MGAT5: variants seen among roughly 807,000 people sequenced by gnomAD.
MGAT5 encodes alpha-1,6-mannosylglycoprotein 6-beta-N-acetylglucosaminyltransferase, also known as alpha-1,6-mannosylglycoprotein 6-beta-N-acetylglucosaminyltransferase A.
Under a neutral mutation model 94.3 loss-of-function variants are expected in MGAT5, and 30 were observed. That is an observed-to-expected ratio of 0.32 (90% confidence interval 0.24 to 0.43). The LOEUF (loss-of-function observed/expected upper bound fraction) is 0.43, where lower values mean the gene tolerates loss of function less well. Among genes scored for constraint, MGAT5 ranks in the 20% least tolerant of loss-of-function variants. The probability of loss-of-function intolerance (pLI) is 1.00; values close to 1 mark genes in which losing one functional copy is unlikely to be tolerated. For synonymous variants in MGAT5, 310 were observed against 322.9 expected, an observed-to-expected ratio of 0.96 and a Z score of 0.43; for missense variants, 691 against 905.5, an observed-to-expected ratio of 0.76 and a Z score of 3.04.
chr2:134,406,729 AC>A, intron 11 of MGAT5, among the ~76,000 whole-genome samples: 2 of 150,160 alleles, frequency 1.3e-5, no homozygotes, highest in Middle Eastern at 3.4e-3. Flanking sequence ...TACAAAAAAT[AC>A]CAAAAAAAAA....
chr2:134,390,574 T>C (rs1682341643), intron 10 of MGAT5, among the ~76,000 whole-genome samples: 1 of 152,210 alleles, frequency 6.6e-6, no homozygotes, highest in African/African-American at 2.4e-5. Flanking sequence ...TTAAAGAGTA[T>C]TCAAATCACA....
At chr2:134,152,310 A>ACCGCCATGGAAAC (rs541206999) in intron 1 of MGAT5, among the ~76,000 whole-genome samples, 3,525 of 88,048 alleles carry the variant, frequency 0.04, 817 homozygotes, top group South Asian at 0.056. Flanking sequence ...GGACCCGCTT[A>ACCGCCATGGAAAC]TCACTCACGC....
intron 8 of MGAT5, among the ~76,000 whole-genome samples, chr2:134,346,666 C>T (rs1688940144): frequency 6.6e-6 from 1 of 151,898 alleles, no homozygotes; most frequent in African/African-American, 2.4e-5. Context: ...AGGAACAAAC[C>T]CTTGAGGCCA....
intron 10 of MGAT5, among the ~76,000 whole-genome samples, chr2:134,372,770 G>A (rs557384303): frequency 4.6e-5 from 7 of 152,328 alleles, no homozygotes; most frequent in East Asian, 1.9e-4. Context: ...TGCTTATTGC[G>A]TGGGTGGCTG....
Position 134,419,520 on chromosome 2 carries a change from A to T in MGAT5, c.1678-3283A>T, listed in dbSNP as rs552949616. On this transcript the variant is annotated intron_variant, in intron 12 of 15. Transcript: ENST00000281923. Reference sequence around the variant, plus strand: ...TAAAGAGAACTCATGTTCTCCTTGGAGATTTAATAGCCACTCTGAAGTAAT... The same window carrying T: ...TAAAGAGAACTCATGTTCTCCTTGGTGATTTAATAGCCACTCTGAAGTAAT... Among the ~76,000 whole-genome samples, 70 of 148,894 alleles carry T rather than the reference A, an allele frequency of 4.7e-4. No individual in the cohort carries two copies. The East Asian group carries it at 0.011, about 23-fold the overall frequency.
At chr2:134,241,544 A>G (rs578177170) in intron 1 of MGAT5, among the ~76,000 whole-genome samples, 6 of 152,356 alleles carry the variant, frequency 3.9e-5, no homozygotes, top group South Asian at 4.1e-4. Context: ...TTTTTTACCG[A>G]CATAATTAAG....
chr2:134,250,448 G>C (rs1006341778), upstream of MGAT5, among the ~76,000 whole-genome samples: 2 of 152,150 alleles, frequency 1.3e-5, no homozygotes, highest in Non-Finnish European at 2.9e-5. Flanking sequence ...TAATTGTCTG[G>C]TCATTCCTGA....
At chr2:134,342,169 A>C (rs945640902) in intron 7 of MGAT5, among the ~76,000 whole-genome samples, 2 of 152,182 alleles carry the variant, frequency 1.3e-5, no homozygotes. Context: ...TTCAATTTGG[A>C]TAGAATAAAT....
chr2:134,264,109 G>A (rs999968422), intron 1 of MGAT5, among the ~76,000 whole-genome samples: 2 of 135,220 alleles, frequency 1.5e-5, no homozygotes, highest in Admixed American at 8.5e-5. Context: ...CGCAATCTCC[G>A]CCTCCCAGGT....
chr2:134,327,175 C>T (rs928681175), intron 4 of MGAT5, among the ~76,000 whole-genome samples: 5 of 151,994 alleles, frequency 3.3e-5, no homozygotes, highest in African/African-American at 7.2e-5. Context: ...CATTAAAATC[C>T]GCTAAGACAT....
At chr2:134,237,372 G>A (rs1214967755) in intron 1 of MGAT5, among the ~76,000 whole-genome samples, 1 of 152,174 alleles carries the variant, frequency 6.6e-6, no homozygotes, top group East Asian at 1.9e-4. Flanking sequence ...AAGGATATAA[G>A]TAAATGTTTG....
intron 1 of MGAT5, among the ~76,000 whole-genome samples, chr2:134,168,621 A>G (rs984613954): frequency 6.6e-6 from 1 of 152,138 alleles, no homozygotes; most frequent in Non-Finnish European, 1.5e-5. Context: ...GCTCTTTTCT[A>G]TGTGATTATC....
intron 2 of MGAT5, among the ~76,000 whole-genome samples, chr2:134,316,813 T>C (rs1687022775): frequency 6.6e-6 from 1 of 152,198 alleles, no homozygotes; most frequent in Non-Finnish European, 1.5e-5. Context: ...AATGTTTCTA[T>C]CAGAAAGAAA....
chr2:134,441,735 T>C (rs772024389), intron 14 of MGAT5, 23 bp from the exon 15 acceptor site: 2 of 1,598,894 alleles, frequency 1.3e-6, no homozygotes, highest in Non-Finnish European at 1.7e-6. Flanking sequence ...GACCTGTGGC[T>C]GATGGCTTCA....
intron 12 of MGAT5, among the ~76,000 whole-genome samples, chr2:134,416,271 G>A (rs963707336): frequency 5.3e-5 from 8 of 152,060 alleles, no homozygotes; most frequent in African/African-American, 1.7e-4. Flanking sequence ...TTCTGCACAC[G>A]TTAAACACTA....
At chr2:134,169,110 A>G (rs1157622557) in intron 1 of MGAT5, among the ~76,000 whole-genome samples, 1 of 152,118 alleles carries the variant, frequency 6.6e-6, no homozygotes, top group African/African-American at 2.4e-5. Flanking sequence ...ACTTTGGGGG[A>G]GGGCAAAGAG....
At chr2:134,312,253 C>A (rs76345251) in intron 2 of MGAT5, among the ~76,000 whole-genome samples, 317 of 151,488 alleles carry the variant, frequency 2.1e-3, no homozygotes, top group African/African-American at 7.4e-3. Context: ...AACAAAACAA[C>A]AAAAAAAAAT....
At chr2:134,222,704 T>A (rs1398423416) in intron 1 of MGAT5, among the ~76,000 whole-genome samples, 1 of 152,276 alleles carries the variant, frequency 6.6e-6, no homozygotes, top group Non-Finnish European at 1.5e-5. Flanking sequence ...AATTCTGCAG[T>A]GTTATTTTTT....
intron 13 of MGAT5, among the ~76,000 whole-genome samples, chr2:134,427,411 A>G (rs2106375364): frequency 6.6e-6 from 1 of 152,112 alleles, no homozygotes; most frequent in East Asian, 1.9e-4. Context: ...TCAAACCCAC[A>G]TTTCTTCCCC....
Sources: allele counts gnomAD v4.1 joint callset (sites outside exome capture counted in the v4.1 genomes callset), GRCh38; gene constraint gnomAD v4.1.1; transcripts MANE v1.5; gene names NCBI Gene and HGNC (gene_info 2026-07-23, HGNC 2026-07-21).